The following STRN4 variants were observed in gnomAD, a reference collection of about 807,000 sequenced individuals.
The protein encoded by STRN4 is striatin 4.
A neutral mutation model predicts 77.9 loss-of-function variants in STRN4; 27 were observed. The observed-to-expected ratio is 0.35, with a 90% CI of 0.26 to 0.48. The LOEUF (loss-of-function observed/expected upper bound fraction) is 0.48. STRN4 is among the 20% of genes least tolerant of loss of function. The pLI is 0.99. For synonymous variants in STRN4, 466 were observed against 443.1 expected (o/e 1.05, Z -0.65); for missense variants, 798 against 1,049.7 (o/e 0.76, Z 3.31).
chr19:46,720,303 C>T lies in STRN4; in HGVS notation c.*102G>A, dbSNP rs528469087. On this transcript the variant is annotated 3_prime_UTR_variant, in exon 18 of 18. Transcript: ENST00000263280. ...AGGCTCCATGGCAAACAGACAGAGG[C>T]CAGGCCTCTGCACCTCCAGCGAGGC... 223 of 294,796 alleles carry T rather than the reference C, an allele frequency of 7.6e-4. No homozygotes were observed. Among genetic ancestry groups the T allele is most frequent in the South Asian group, 1.2e-3 (8 of 6,806 alleles). 18.3% of individuals were successfully genotyped at this position (294,796 alleles called of 1,614,324 possible).
chr19:46,721,940 C>T lies in STRN4; in HGVS notation c.2092+46G>A. The T allele has an allele frequency of 3.1e-6, 5 of 1,606,530 alleles. No individual in the cohort carries two copies. The South Asian group carries it at 5.5e-5, about 18-fold the overall frequency. Reference sequence around the variant, plus strand: ...CCTGGAGCCAGTGCCCAGGCCTCTTCCTCCCCTTCTCCCCAACCCTGGTGG... The same window carrying T: ...CCTGGAGCCAGTGCCCAGGCCTCTTTCTCCCCTTCTCCCCAACCCTGGTGG... On this transcript the variant is annotated intron_variant, in intron 16 of 17. Coordinates refer to ENST00000263280, the MANE Select transcript of STRN4 (RefSeq NM_013403.3).
chr19:46,724,483 A>T (rs529538001), intron 12 of STRN4, among the ~76,000 whole-genome samples: 72 of 152,296 alleles, frequency 4.7e-4, no homozygotes, highest in African/African-American at 1.7e-3. Context: ...GGCATGGCAG[A>T]GCAGAGGCTG....
chr19:46,727,356 G>A (rs2054141160), intron 9 of STRN4, 96 bp downstream of exon 9: 1 of 1,041,212 alleles, frequency 9.6e-7, no homozygotes, highest in South Asian at 1.5e-5. Context: ...GAAACAGGAT[G>A]AGCAGGGCAC....
chr19:46,720,904 T>G (rs2053961574), intron 16 of STRN4, 133 bp from the exon 17 acceptor site: 1 of 1,089,926 alleles, frequency 9.2e-7, no homozygotes, highest in Admixed American at 3.5e-5. Flanking sequence ...CACCCTCTGC[T>G]CATCACCTCC....
At chr19:46,726,912 T>A (rs944393423) in intron 9 of STRN4, among the ~76,000 whole-genome samples, 4 of 151,982 alleles carry the variant, frequency 2.6e-5, no homozygotes, top group African/African-American at 9.7e-5. Context: ...CATGGCACAC[T>A]CCACTTCTCA....
intron 1 of STRN4, 85 bp downstream of exon 1, chr19:46,746,064 C>G: frequency 8.2e-7 from 1 of 1,212,736 alleles, no homozygotes; most frequent in Non-Finnish European, 1.0e-6. Flanking sequence ...GGCCATTGCT[C>G]CAAGATGGCG....
At chr19:46,724,456 CCA>C (rs1328819650) in intron 12 of STRN4, among the ~76,000 whole-genome samples, 4 of 152,178 alleles carry the variant, frequency 2.6e-5, no homozygotes, top group African/African-American at 9.7e-5. Context: ...TGGCGGATCC[CCA>C]CACACAGAGT....
At chr19:46,732,765 C>T in intron 5 of STRN4, 2 of 437,296 alleles carry the variant, frequency 4.6e-6, no homozygotes, top group Non-Finnish European at 8.3e-6. Flanking sequence ...TCGGTAAGCA[C>T]CCCACTCGAC....
intron 1 of STRN4, chr19:46,745,845 G>A (rs978826932): frequency 3.5e-6 from 1 of 283,102 alleles, no homozygotes; most frequent in Non-Finnish European, 6.6e-6. Context: ...CCCAGTCCCA[G>A]TCCCACTCCC....
rs757832933 is a variant in STRN4, at chr19:46,724,862, G to A, written c.1539C>T (p.Ala513=). 29 of 1,613,548 alleles carry A rather than the reference G, an allele frequency of 1.8e-5. No homozygotes were observed. The highest frequency in any genetic ancestry group is 1.6e-4 in the Middle Eastern group (1 of 6,084). ...SEYCYSGGAD[A]CIHSWKIPDL... is the part of the protein sequence containing the mutation. Reference sequence around the variant, plus strand: ...CTGGAATCTTCCAACTATGGATGCAGGCATCTGCCCCGCCACTGTAGCAGT... The same window carrying A: ...CTGGAATCTTCCAACTATGGATGCAAGCATCTGCCCCGCCACTGTAGCAGT... The change falls in exon 12 of 18, where the codon GCC becomes GCT. Residue 513 remains alanine (A), a synonymous_variant. Coordinates refer to ENST00000263280, the MANE Select transcript of STRN4 (RefSeq NM_013403.3).
Position 46,728,135 on chromosome 19 carries a change from G to A in STRN4, c.1040-128C>T, listed in dbSNP as rs74517778. 640 of 860,692 alleles carry A rather than the reference G, an allele frequency of 7.4e-4. 1 individual carries two copies. In the East Asian group the frequency reaches 0.014, roughly 19 times the overall value. 53.3% of individuals were successfully genotyped at this position (860,692 alleles called of 1,614,324 possible). A position where few individuals can be genotyped will look rare whatever the true frequency, so the allele number is the denominator to read the frequency against. On this transcript the variant is annotated intron_variant, in intron 7 of 17. Coordinates refer to ENST00000263280, the MANE Select transcript of STRN4 (RefSeq NM_013403.3). ...GCTGTGAAGCTCTGGCCCTGGGGGA[G>A]GGGGGGAATGGGCAGAGGAGAGGAG... is the stretch of plus-strand genomic sequence containing the variant.
chr19:46,728,681 C>T lies in STRN4; in HGVS notation c.976G>A (p.Glu326Lys), dbSNP rs1461988771. The change falls in exon 7 of 18, where the codon GAG (glutamate) becomes AAG (lysine). Residue 326 changes from glutamate (E) to lysine (K), a missense_variant. Glu to Lys is a moderately conservative substitution (Grantham distance 56, BLOSUM62 1). Coordinates refer to ENST00000263280, the MANE Select transcript of STRN4 (RefSeq NM_013403.3). ...GGGTCTGGAGCCCCTTCCCCATCCT[C>T]TCCTGAGCCCAGGAAATCAAACTCA... The part of the protein sequence containing the change: ...INEFDFLGSG[E>K]DGEGAPDPRR... The T allele has an allele frequency of 6.2e-7, 1 of 1,614,182 alleles. No homozygotes were observed. Among genetic ancestry groups the T allele is most frequent in the Admixed American group, 1.7e-5 (1 of 60,028 alleles).
intron 1 of STRN4, among the ~76,000 whole-genome samples, chr19:46,744,416 C>T (rs369187259): frequency 1.3e-5 from 2 of 152,156 alleles, no homozygotes; most frequent in Non-Finnish European, 2.9e-5. Flanking sequence ...CAGGATCTCA[C>T]TCTTTTGCCC....
At chr19:46,721,826 G>A (rs1008492768) in intron 16 of STRN4, 160 bp downstream of exon 16, 24 of 672,882 alleles carry the variant, frequency 3.6e-5, no homozygotes, top group African/African-American at 5.4e-5. Flanking sequence ...GGGCCCCAGC[G>A]GACTGTGCTG....
chr19:46,742,542 G>T (rs926352859), intron 1 of STRN4, among the ~76,000 whole-genome samples: 3 of 152,044 alleles, frequency 2.0e-5, no homozygotes, highest in African/African-American at 7.2e-5. Context: ...CAATGTGGCA[G>T]AGTCATTCAC....
chr19:46,739,230 C>T lies in STRN4; in HGVS notation c.283-342G>A, dbSNP rs372287996. The T allele has an allele frequency of 2.7e-4, 94 of 345,668 alleles. 1 individual carries two copies. The highest frequency in any genetic ancestry group is 2.9e-4 in the Non-Finnish European group (51 of 177,618). 21.4% of individuals were successfully genotyped at this position (345,668 alleles called of 1,614,324 possible). A position where few individuals can be genotyped will look rare whatever the true frequency, so the allele number is the denominator to read the frequency against. On this transcript the variant is annotated intron_variant, in intron 1 of 17. Coordinates refer to ENST00000263280, the MANE Select transcript of STRN4 (RefSeq NM_013403.3). ...AGTGGAGAGGAGGGTGGGCATTCAC[C>T]GCCCTGGACTACCCCTGACGCCCTC... is the stretch of plus-strand genomic sequence containing the variant.
chr19:46,737,813 G>A (rs567791053), intron 3 of STRN4, among the ~76,000 whole-genome samples: 1 of 152,264 alleles, frequency 6.6e-6, no homozygotes, highest in Non-Finnish European at 1.5e-5. Flanking sequence ...CGGCAACCCT[G>A]TTCAAACGCC....
rs764987680 is a variant in STRN4 at position 46,733,131 on chromosome 19, C to T, written c.645G>A (p.Pro215=). 1.6e-5 allele frequency: 26 copies of T among 1,612,694 alleles called. No individual in the cohort carries two copies. Among genetic ancestry groups the T allele is most frequent in the South Asian group, 2.2e-5 (2 of 91,080 alleles). Residue 215 remains proline, a synonymous_variant, in exon 5 of 18, where the codon CCG becomes CCA. Transcript: ENST00000263280. This position sits in a 1 kb window ranked among gnomAD's most constrained non-coding sequence, Gnocchi z 4.3. The part of the protein sequence containing the change: ...RSLELNGAVE[P]SEGAPRAPPG... Reference sequence around the variant, plus strand: ...GTGGAGCCCTGGGGGCCCCTTCACTCGGCTCCACTGCCCCGTTGAGCTCCA... The same window carrying T: ...GTGGAGCCCTGGGGGCCCCTTCACTTGGCTCCACTGCCCCGTTGAGCTCCA...
chr19:46,741,039 T>G lies in STRN4; in HGVS notation c.283-2151A>C, dbSNP rs1210392045. ...GCTCAGTGAAGCCATGGAAGGGTTT[T>G]AAGTACAGAGAGGTAACCGATTCGC... On this transcript the variant is annotated intron_variant, in intron 1 of 17. Transcript: ENST00000263280. This position sits in a 1 kb window ranked among gnomAD's most constrained non-coding sequence, Gnocchi z 4.9. Among the ~76,000 whole-genome samples the G allele has an allele frequency of 6.6e-6, 1 of 152,190 alleles. No individual in the cohort carries two copies. The highest frequency in any genetic ancestry group is 1.5e-5 in the Non-Finnish European group (1 of 68,034).
Sources: allele counts gnomAD v4.1 joint callset (sites outside exome capture counted in the v4.1 genomes callset), GRCh38; gene constraint gnomAD v4.1.1; non-coding constraint Gnocchi (gnomAD v3.1); transcripts MANE v1.5; gene names NCBI Gene and HGNC (gene_info 2026-07-23, HGNC 2026-07-21).